The following TNPO2 variants were observed in gnomAD, a reference collection of about 807,000 sequenced individuals.
TNPO2 encodes the protein transportin-2.
A neutral mutation model predicts 111.1 loss-of-function variants in TNPO2; 16 were observed. That is an observed-to-expected ratio of 0.14 (90% CI 0.10 to 0.22). The LOEUF is 0.22. Among genes scored for constraint, TNPO2 ranks in the 10% least tolerant of loss-of-function variants. The pLI, the probability that TNPO2 is intolerant of heterozygous loss-of-function variation, is 1.00. For missense variants in TNPO2, 530 were observed against 1,173.7 expected (o/e 0.45, Z 8.01); for synonymous variants, 481 against 475.8 (o/e 1.01, Z -0.14).
chr19:12,702,330 T>C lies in TNPO2; in HGVS notation c.2306-153A>G. On this transcript the variant is annotated intron_variant, in intron 21 of 25. Coordinates refer to ENST00000425528, the MANE Select transcript of TNPO2 (RefSeq NM_001382241.1). The surrounding 1 kb of genome is among the most constrained non-coding windows in gnomAD (Gnocchi z 5.5). ...AGGGGTCCTCCTCATCACACCTGAG[T>C]CACTTCCCAGGTCTCTCTGCATCTA... is the stretch of plus-strand genomic sequence containing the variant. 1.4e-6 allele frequency: 1 copy of C among 696,482 alleles called. No individual in the cohort carries two copies. Among genetic ancestry groups the C allele is most frequent in the Non-Finnish European group, 2.6e-6 (1 of 383,892 alleles). The allele number at this position is 696,482 out of a possible 1,614,324, so 43.1% of individuals were successfully genotyped here.
chr19:12,712,288 A>C (rs1381210190), intron 10 of TNPO2, among the ~76,000 whole-genome samples: 3 of 152,208 alleles, frequency 2.0e-5, no homozygotes, highest in Non-Finnish European at 4.4e-5. Context: ...CGGTAGCAAA[A>C]GGTGTCAAGG....
rs1349024544 is a variant in TNPO2 at position 12,706,488 on chromosome 19, C to T, written c.1496+82G>A. On this transcript the variant is annotated intron_variant, in intron 14 of 25. Transcript: ENST00000425528. This position sits in a 1 kb window ranked among gnomAD's most constrained non-coding sequence, Gnocchi z 7.0. ...ACGAATACGCGATAAATCAGTTCCACATCAACAGTCACAGGTGTCATCACT... is the reference window on the plus strand; with the variant it reads ...ACGAATACGCGATAAATCAGTTCCATATCAACAGTCACAGGTGTCATCACT... 13 of 1,574,278 alleles carry T rather than the reference C, an allele frequency of 8.3e-6. No individual in the cohort carries two copies. Among genetic ancestry groups the T allele is most frequent in the Non-Finnish European group, 1.0e-5 (12 of 1,144,876 alleles).
Position 12,700,101 on chromosome 19 carries a change from T to C in TNPO2, c.*1163A>G, listed in dbSNP as rs2025202741. On this transcript the variant is annotated 3_prime_UTR_variant, in exon 26 of 26. Transcript: ENST00000425528. Reference sequence around the variant, plus strand: ...AGTCTAGTAGGATCTCTGGGCTCACTGGGTACTATGATGAGCAGGAAGTCC... The same window carrying C: ...AGTCTAGTAGGATCTCTGGGCTCACCGGGTACTATGATGAGCAGGAAGTCC... 1 of 152,102 alleles carries C rather than the reference T, an allele frequency of 6.6e-6. No individual in the cohort carries two copies. Among genetic ancestry groups the C allele is most frequent in the Non-Finnish European group, 1.5e-5 (1 of 68,028 alleles). The allele number at this position is 152,102 out of a possible 1,614,324, so 9.4% of individuals were successfully genotyped here. A position where few individuals can be genotyped will look rare whatever the true frequency, so the allele number is the denominator to read the frequency against.
rs1568330857 is a variant in TNPO2, at chr19:12,702,100, G to A, written c.2383C>T (p.Pro795Ser). The A allele has an allele frequency of 1.2e-6, 2 of 1,613,582 alleles. No individual in the cohort carries two copies. Among genetic ancestry groups the A allele is most frequent in the East Asian group, 2.2e-5 (1 of 44,868 alleles). The change falls in exon 22 of 26, where the codon CCC becomes TCC. Residue 795 changes from proline (P) to serine (S), a missense_variant. Pro to Ser is a moderately conservative substitution (Grantham distance 74). Transcript: ENST00000425528. The surrounding 1 kb of genome is among the most constrained non-coding windows in gnomAD (Gnocchi z 5.5). ...GGCCGGATGAACTGCTGCAGCATGG[G>A]TGCCACCTCCTGGGGGCACACGTAG... The part of the protein sequence containing the change: ...LGYVCPQEVA[P>S]MLQQFIRPWC...
intron 11 of TNPO2, 31 bp from the exon 12 acceptor site, chr19:12,711,492 G>A (rs1380469690): frequency 6.2e-7 from 1 of 1,613,878 alleles, no homozygotes; most frequent in South Asian, 1.1e-5. Context: ...TAAGTACTTT[G>A]GGGACCACAG....
At chr19:12,710,795 G>T in intron 12 of TNPO2, 22 bp from the exon 13 acceptor site, 1 of 1,595,404 alleles carries the variant, frequency 6.3e-7, no homozygotes, top group East Asian at 2.3e-5. Context: ...GGAACAATGG[G>T]GAGGCTCAGG....
rs1466799905 is a variant in TNPO2 at position 12,703,742 on chromosome 19, G to C, written c.2082C>G (p.Ala694=). ...TACAGGGCTTGACATGGATGAAGCA[G>C]GCTTTGGTGAGGTCTCCCAGGAGGG... The part of the protein sequence containing the change: ...SFALLGDLTK[A]CFIHVKPCIA... The change falls in exon 19 of 26, where the codon GCC becomes GCG. Residue 694 remains alanine, a synonymous_variant. Coordinates refer to ENST00000425528, the MANE Select transcript of TNPO2 (RefSeq NM_001382241.1). The C allele has an allele frequency of 6.2e-7, 1 of 1,608,186 alleles. No individual in the cohort carries two copies.
chr19:12,705,599 A>G lies in TNPO2; in HGVS notation c.1756T>C (p.Cys586Arg). The change falls in exon 17 of 26, where the codon TGT becomes CGT. Residue 586 changes from cysteine to arginine, a missense_variant and splice_region_variant. By Grantham distance (180) the Cys-to-Arg change is radical. Around this residue, in one of 4 missense-constraint regions of TNPO2, gnomAD observed 183 missense variants for 481.0 expected, o/e 0.38. Coordinates refer to ENST00000425528, the MANE Select transcript of TNPO2 (RefSeq NM_001382241.1). This position sits in a 1 kb window ranked among gnomAD's most constrained non-coding sequence, Gnocchi z 7.2. ...EDKDLFPLLE[C>R]LSSVATALQS... ...AGGGCGGTGGCCACCGATGACAGAC[A>G]CTGGCAGGGAGGAAGGCAGGTGGGG... The G allele has an allele frequency of 6.3e-7, 1 of 1,597,416 alleles. No individual in the cohort carries two copies.
In TNPO2 at chr19:12,710,777, G is replaced by A. The variant is rs375230399; in HGVS notation, c.1118-4C>T. The stretch of plus-strand genomic sequence containing the variant: ...AGTGCAGCCGCTGAGCACTTCCCTG[G>A]GGAAGGGGGAACAATGGGGAGGCTC... On this transcript the variant is annotated splice_polypyrimidine_tract_variant and splice_region_variant and intron_variant, in intron 12 of 25. Transcript: ENST00000425528. 35 of 1,605,068 alleles carry A rather than the reference G, an allele frequency of 2.2e-5. No individual in the cohort carries two copies. In the Middle Eastern group the frequency reaches 5.0e-4, roughly 23 times the overall value.
chr19:12,707,888 T>A (rs1380611408), intron 13 of TNPO2, among the ~76,000 whole-genome samples: 1 of 152,006 alleles, frequency 6.6e-6, no homozygotes, highest in East Asian at 1.9e-4. Context: ...TTGCACAATC[T>A]TGGCTCACTG....
chr19:12,700,210 G>T lies in TNPO2; in HGVS notation c.*1054C>A, dbSNP rs1488628764. Reference sequence around the variant, plus strand: ...TTTTCCTTTTTGCTGGCAAAAACCTGTGTCCTCTGTCATCATCAATTAAAC... The same window carrying T: ...TTTTCCTTTTTGCTGGCAAAAACCTTTGTCCTCTGTCATCATCAATTAAAC... On this transcript the variant is annotated 3_prime_UTR_variant, in exon 26 of 26. Coordinates refer to ENST00000425528, the MANE Select transcript of TNPO2 (RefSeq NM_001382241.1). The T allele has an allele frequency of 6.6e-6, 1 of 152,162 alleles. No individual in the cohort carries two copies. The highest frequency in any genetic ancestry group is 1.9e-4 in the East Asian group (1 of 5,190). 9.4% of individuals were successfully genotyped at this position (152,162 alleles called of 1,614,324 possible). A position where few individuals can be genotyped will look rare whatever the true frequency, so the allele number is the denominator to read the frequency against.
intron 13 of TNPO2, among the ~76,000 whole-genome samples, chr19:12,708,534 C>G (rs1242499891): frequency 6.6e-6 from 1 of 151,808 alleles, no homozygotes; most frequent in Non-Finnish European, 1.5e-5. Flanking sequence ...TCTATGTTTA[C>G]CAGTTTGAGC....
In TNPO2 at chr19:12,701,048, T is replaced by G; in HGVS notation, c.*216A>C. 3.0e-6 allele frequency: 1 copy of G among 328,736 alleles called. No homozygotes were observed. Among genetic ancestry groups the G allele is most frequent in the Non-Finnish European group, 5.6e-6 (1 of 177,500 alleles). The allele number at this position is 328,736 out of a possible 1,614,324, so 20.4% of individuals were successfully genotyped here. On this transcript the variant is annotated 3_prime_UTR_variant, in exon 26 of 26. Coordinates refer to ENST00000425528, the MANE Select transcript of TNPO2 (RefSeq NM_001382241.1). The surrounding 1 kb of genome is among the most constrained non-coding windows in gnomAD (Gnocchi z 5.0). ...CAGAAGTCCCCCCCACCTCCCCGTT[T>G]GTAGGATGAGCATGGTGGCCCCACC...
At chr19:12,716,398 G>A (rs971236410) in intron 5 of TNPO2, among the ~76,000 whole-genome samples, 2 of 152,142 alleles carry the variant, frequency 1.3e-5, no homozygotes, top group Non-Finnish European at 2.9e-5. Context: ...GACCGAGGTG[G>A]GTGGATCACT....
chr19:12,705,821 A>T lies in TNPO2; in HGVS notation c.1669-53T>A. 7.7e-7 allele frequency: 1 copy of T among 1,303,288 alleles called. No homozygotes were observed. Among genetic ancestry groups the T allele is most frequent in the Non-Finnish European group, 1.0e-6 (1 of 965,838 alleles). The allele number at this position is 1,303,288 out of a possible 1,614,324, so 80.7% of individuals were successfully genotyped here. On this transcript the variant is annotated intron_variant, in intron 15 of 25. Coordinates refer to ENST00000425528, the MANE Select transcript of TNPO2 (RefSeq NM_001382241.1). The surrounding 1 kb of genome is among the most constrained non-coding windows in gnomAD (Gnocchi z 7.2). The stretch of plus-strand genomic sequence containing the variant: ...CCCTGGGTCGGGGTGGCAGACTGTG[A>T]CTCAGGTACCTGTTGCCCGAGTGAT...
Position 12,701,591 on chromosome 19 carries a change from G to C in TNPO2, c.2586+7C>G. 1 of 1,613,682 alleles carries C rather than the reference G, an allele frequency of 6.2e-7. No individual in the cohort carries two copies. The highest frequency in any genetic ancestry group is 8.5e-7 in the Non-Finnish European group (1 of 1,179,754). ...GGAACTAGATCAGGGCCCAGACAGA[G>C]CCTCACCTTATAAAACATGTCCCGA... On this transcript the variant is annotated splice_region_variant and intron_variant, in intron 24 of 25. Transcript: ENST00000425528. This position sits in a 1 kb window ranked among gnomAD's most constrained non-coding sequence, Gnocchi z 5.0.
Position 12,720,912 on chromosome 19 carries a change from C to T in TNPO2, c.66G>A (p.Ser22=). ...QVLQLLKDSQ[S]PNTATQRIVQ... ...CGATGCGCTGAGTGGCTGTGTTGGGCGACTGTGAGTCTTTGAGCAGCTGCA... is the reference window on the plus strand; with the variant it reads ...CGATGCGCTGAGTGGCTGTGTTGGGTGACTGTGAGTCTTTGAGCAGCTGCA... Residue 22 remains serine, a synonymous_variant, in exon 3 of 26, where the codon TCG becomes TCA. Coordinates refer to ENST00000425528, the MANE Select transcript of TNPO2 (RefSeq NM_001382241.1). 1 of 1,604,768 alleles carries T rather than the reference C, an allele frequency of 6.2e-7. No individual in the cohort carries two copies. The highest frequency in any genetic ancestry group is 8.5e-7 in the Non-Finnish European group (1 of 1,176,578).
chr19:12,715,755 A>G lies in TNPO2; in HGVS notation c.326-16T>C. ...ATGAGAATGCCTGGGGCGGCCGGGAAAGGACGCTGCCTGAGGCTGGGCAGG... is the reference window on the plus strand; with the variant it reads ...ATGAGAATGCCTGGGGCGGCCGGGAGAGGACGCTGCCTGAGGCTGGGCAGG... On this transcript the variant is annotated splice_polypyrimidine_tract_variant and intron_variant, in intron 5 of 25. Coordinates refer to ENST00000425528, the MANE Select transcript of TNPO2 (RefSeq NM_001382241.1). This position sits in a 1 kb window ranked among gnomAD's most constrained non-coding sequence, Gnocchi z 7.1. 1 of 1,593,796 alleles carries G rather than the reference A, an allele frequency of 6.3e-7. No individual in the cohort carries two copies. Among genetic ancestry groups the G allele is most frequent in the Non-Finnish European group, 8.5e-7 (1 of 1,171,046 alleles).
At chr19:12,713,889 G>T (rs1417847944) in intron 10 of TNPO2, among the ~76,000 whole-genome samples, 3 of 152,054 alleles carry the variant, frequency 2.0e-5, no homozygotes, top group Non-Finnish European at 4.4e-5. Context: ...GATTAGCTAG[G>T]TGTGGTGGGA....
Sources: gnomAD v4.1 joint callset for allele counts (sites outside exome capture counted in the v4.1 genomes callset) on GRCh38, gnomAD v4.1.1 for gene constraint, gnomAD v4.1.1 regional missense constraint, Gnocchi (gnomAD v3.1) non-coding constraint, MANE v1.5 for transcripts, NCBI Gene and HGNC (gene_info 2026-07-23, HGNC 2026-07-21) for gene names.